LINGO2: variants seen among roughly 807,000 people sequenced by gnomAD.
LINGO2 encodes leucine rich repeat and Ig domain containing 2, also known as leucine-rich repeat and immunoglobulin-like domain-containing nogo receptor-interacting protein 2.
A neutral mutation model predicts 30.6 loss-of-function variants in LINGO2; 14 were observed. The ratio of observed to expected loss-of-function variants is 0.46; its 90% CI spans 0.30 to 0.72. The LOEUF (loss-of-function observed/expected upper bound fraction) is 0.72, where lower values mean the gene tolerates loss of function less well. LINGO2 is among the 30% of genes least tolerant of loss of function. The pLI is 0.07. For synonymous variants in LINGO2, 317 were observed against 288.5 expected (o/e 1.10, Z -1.00); for missense variants, 729 against 751.7 (o/e 0.97, Z 0.35).
chr9:28,159,651 G>C (rs912278765), intron 4 of LINGO2, among the ~76,000 whole-genome samples: 1 of 151,734 alleles, frequency 6.6e-6, no homozygotes, highest in Non-Finnish European at 1.5e-5. Context: ...AAAAAACAAA[G>C]ACTAGTGTAG....
chr9:28,963,431 G>A, the LINGO2 span, among the ~76,000 whole-genome samples: 3 of 151,630 alleles, frequency 2.0e-5, no homozygotes, highest in South Asian at 4.1e-4. Context: ...ACTGATCTAT[G>A]AAAAGGATAC....
chr9:27,996,059 G>T (rs575585627), intron 5 of LINGO2, among the ~76,000 whole-genome samples: 7 of 151,978 alleles, frequency 4.6e-5, no homozygotes, highest in African/African-American at 1.7e-4. Context: ...TTACTCATCT[G>T]GGAAATACAA....
chr9:28,704,886 C>T, the LINGO2 span, among the ~76,000 whole-genome samples: 961 of 151,914 alleles, frequency 6.3e-3, 23 homozygotes, highest in East Asian at 0.036. Flanking sequence ...ATTCCAAATT[C>T]GTGCCACATT....
chr9:28,051,685 A>G (rs918999632), intron 4 of LINGO2, among the ~76,000 whole-genome samples: 5 of 152,056 alleles, frequency 3.3e-5, no homozygotes, highest in African/African-American at 1.2e-4. Context: ...CTAGATTCCA[A>G]CCACAGTCAT....
At chr9:28,154,343 T>C (rs1056306279) in intron 4 of LINGO2, among the ~76,000 whole-genome samples, 7 of 152,200 alleles carry the variant, frequency 4.6e-5, no homozygotes, top group African/African-American at 1.7e-4. Context: ...GTTCACCCCC[T>C]TCTCTGTTGG....
the LINGO2 span, among the ~76,000 whole-genome samples, chr9:29,136,170 T>A: frequency 1.3e-5 from 2 of 152,142 alleles, no homozygotes; most frequent in Non-Finnish European, 2.9e-5. Context: ...CCATTTTTAA[T>A]CCAAAATGGA....
intron 3 of LINGO2, among the ~76,000 whole-genome samples, chr9:28,352,304 C>G (rs1450589135): frequency 6.9e-6 from 1 of 144,296 alleles, no homozygotes; most frequent in Non-Finnish European, 1.5e-5. Context: ...TCAGCAAAGT[C>G]TCAGGATACA....
intron 5 of LINGO2, among the ~76,000 whole-genome samples, chr9:27,991,344 T>G (rs1305349989): frequency 6.6e-6 from 1 of 152,048 alleles, no homozygotes; most frequent in Non-Finnish European, 1.5e-5. Context: ...GATTTGCTTG[T>G]GGCTTTGGTC....
At chr9:28,912,507 T>C in the LINGO2 span, among the ~76,000 whole-genome samples, 1 of 152,152 alleles carries the variant, frequency 6.6e-6, no homozygotes, top group African/African-American at 2.4e-5. Context: ...TATTGTTTGC[T>C]GCTCACCCTG....
At chr9:28,245,554 C>T (rs1564071649) in intron 4 of LINGO2, among the ~76,000 whole-genome samples, 1 of 152,038 alleles carries the variant, frequency 6.6e-6, no homozygotes, top group East Asian at 1.9e-4. Flanking sequence ...TAGAGAACCC[C>T]ATCATCTCAG....
the LINGO2 span, among the ~76,000 whole-genome samples, chr9:28,710,499 C>T: frequency 0.015 from 2,232 of 152,018 alleles, 47 homozygotes; most frequent in Admixed American, 0.033. Context: ...ATTTACGTGA[C>T]TAAACCACGA....
At chr9:29,181,812 T>C in the LINGO2 span, among the ~76,000 whole-genome samples, 24 of 151,842 alleles carry the variant, frequency 1.6e-4, no homozygotes, top group Admixed American at 1.2e-3. Flanking sequence ...CCTCTGAGTA[T>C]TAAAAAAAAG....
chr9:28,600,067 A>C (rs1373575020), intron 1 of LINGO2, among the ~76,000 whole-genome samples: 6 of 152,194 alleles, frequency 3.9e-5, no homozygotes. Context: ...AGATTCTACT[A>C]TAAAGAGCTA....
intron 4 of LINGO2, among the ~76,000 whole-genome samples, chr9:28,194,261 A>G (rs1015365325): frequency 1.3e-5 from 2 of 152,184 alleles, no homozygotes; most frequent in Admixed American, 1.3e-4. Flanking sequence ...AATATAGTGA[A>G]AAGTAAAATA....
At chr9:29,117,169 A>G in the LINGO2 span, among the ~76,000 whole-genome samples, 36,038 of 152,028 alleles carry the variant, frequency 0.24, 4,412 homozygotes, top group East Asian at 0.4. Context: ...TAATTGTAAC[A>G]TAAATGATTG....
intron 4 of LINGO2, among the ~76,000 whole-genome samples, chr9:28,122,024 A>G (rs1026548641): frequency 2.9e-4 from 43 of 147,126 alleles, no homozygotes; most frequent in Non-Finnish European, 1.4e-4. Context: ...AGATGAATTG[A>G]CTTACATGGA....
intron 4 of LINGO2, among the ~76,000 whole-genome samples, chr9:28,270,708 C>A (rs554835721): frequency 6.6e-6 from 1 of 152,188 alleles, no homozygotes; most frequent in South Asian, 2.1e-4. Context: ...CGAATTTGTG[C>A]TTGTTGGGAA....
the LINGO2 span, among the ~76,000 whole-genome samples, chr9:28,818,711 A>G: frequency 6.6e-6 from 1 of 152,162 alleles, no homozygotes; most frequent in Non-Finnish European, 1.5e-5. Flanking sequence ...ATCATTTTAC[A>G]GGAAGTTAAC....
At chr9:27,943,503 TGGAA>T (rs1286799369), downstream of LINGO2, 3 of 152,238 alleles carry the variant, frequency 2.0e-5, no homozygotes, top group East Asian at 5.8e-4. Context: ...CACCTGCTTC[TGGAA>T]GGGAGAGGAA....
Sources: allele counts gnomAD v4.1 joint callset (sites outside exome capture counted in the v4.1 genomes callset), GRCh38; gene constraint gnomAD v4.1.1; transcripts MANE v1.5; gene names NCBI Gene and HGNC (gene_info 2026-07-23, HGNC 2026-07-21).